The following CXXC5 variants were observed in gnomAD, a reference collection of about 807,000 sequenced individuals.
CXXC5 encodes CXXC-type zinc finger protein 5.
A neutral mutation model predicts 17.6 loss-of-function variants in CXXC5; 2 were observed. The observed-to-expected ratio is 0.11, with a 90% CI of 0.05 to 0.36. The LOEUF (loss-of-function observed/expected upper bound fraction) is 0.36. CXXC5 is among the 10% of genes least tolerant of loss of function. The probability of loss-of-function intolerance (pLI) is 1.00; values close to 1 mark genes in which losing one functional copy is unlikely to be tolerated. For missense variants in CXXC5, 343 were observed against 458.3 expected (o/e 0.75, Z 2.30); for synonymous variants, 171 against 193.0 (o/e 0.89, Z 0.94).
At chr5:139,662,958 G>A (rs1424133428) in intron 1 of CXXC5, among the ~76,000 whole-genome samples, 1 of 152,218 alleles carries the variant, frequency 6.6e-6, no homozygotes, top group Non-Finnish European at 1.5e-5. Flanking sequence ...ATCTCCAGGC[G>A]AGCATGCCCC....
rs1030027356 is a variant in CXXC5 at position 139,670,574 on chromosome 5, C to T, written c.-160-9790C>T. 2.4e-4 allele frequency among the ~76,000 whole-genome samples: 37 copies of T among 152,200 alleles called. No homozygotes were observed. Among genetic ancestry groups the T allele is most frequent in the African/African-American group, 8.7e-4 (36 of 41,446 alleles). On this transcript the variant is annotated intron_variant, in intron 1 of 2. Coordinates refer to ENST00000302517, the MANE Select transcript of CXXC5 (RefSeq NM_016463.9). The surrounding 1 kb of genome is among the most constrained non-coding windows in gnomAD (Gnocchi z 4.2). ...CTCCTGACACAACTCACAGTGCATGCGGACATACACACACTGGCATTCATG... is the reference window on the plus strand; with the variant it reads ...CTCCTGACACAACTCACAGTGCATGTGGACATACACACACTGGCATTCATG...
At chr5:139,651,005 A>T (rs942974383) in intron 1 of CXXC5, 2 of 152,108 alleles carry the variant, frequency 1.3e-5, no homozygotes, top group East Asian at 1.9e-4. Context: ...TGCCCTGGGA[A>T]GAGATGGGAA....
At chr5:139,676,155 C>G (rs1419702232) in intron 1 of CXXC5, among the ~76,000 whole-genome samples, 1 of 140,028 alleles carries the variant, frequency 7.1e-6, no homozygotes, top group African/African-American at 2.7e-5. Context: ...CTCCCCACCT[C>G]CTCCCAAGTC....
chr5:139,664,909 C>A (rs1756015186), intron 1 of CXXC5, among the ~76,000 whole-genome samples: 1 of 152,242 alleles, frequency 6.6e-6, no homozygotes, highest in African/African-American at 2.4e-5. Context: ...ATGCCTACCT[C>A]TGTGGGTTGC....
rs1419024554 is a variant in CXXC5 at position 139,681,369 on chromosome 5, G to A, written c.846G>A (p.Arg282=). 1.3e-6 allele frequency: 2 copies of A among 1,596,282 alleles called. No individual in the cohort carries two copies. Among genetic ancestry groups the A allele is most frequent in the South Asian group, 2.2e-5 (2 of 89,008 alleles). The part of the protein sequence containing the change: ...RINCEQCSSC[R]NRKTGHQICK... ...ACTGCGAGCAGTGCAGCAGTTGTAG[G>A]AATCGAAAGACTGGCCATCAGATTT... The change falls in exon 2 of 3, where the codon AGG becomes AGA. Residue 282 remains arginine (R), a synonymous_variant. Coordinates refer to ENST00000302517, the MANE Select transcript of CXXC5 (RefSeq NM_016463.9).
At chr5:139,681,748 G>A (rs538188406) in intron 2 of CXXC5, among the ~76,000 whole-genome samples, 1 of 152,350 alleles carries the variant, frequency 6.6e-6, no homozygotes, top group East Asian at 1.9e-4. Flanking sequence ...TCTGGGTCAG[G>A]TATTGAGATT....
At chr5:139,678,042 C>T (rs1359704205) in intron 1 of CXXC5, among the ~76,000 whole-genome samples, 3 of 152,268 alleles carry the variant, frequency 2.0e-5, no homozygotes, top group Non-Finnish European at 4.4e-5. Flanking sequence ...GGCTGGGGCG[C>T]AGCCTGCTCC....
intron 1 of CXXC5, among the ~76,000 whole-genome samples, chr5:139,674,552 G>T (rs965679129): frequency 6.6e-5 from 10 of 152,224 alleles, no homozygotes; most frequent in Non-Finnish European, 1.3e-4. Context: ...TGCAAGGCTG[G>T]TCAGCCAGCA....
intron 1 of CXXC5, among the ~76,000 whole-genome samples, chr5:139,655,000 C>G (rs1755409660): frequency 6.6e-6 from 1 of 152,154 alleles, no homozygotes; most frequent in African/African-American, 2.4e-5. Context: ...GCTGATTTTT[C>G]CTGGGAAGGA....
intron 1 of CXXC5, among the ~76,000 whole-genome samples, chr5:139,673,939 C>T (rs958890932): frequency 4.6e-5 from 7 of 152,028 alleles, no homozygotes; most frequent in African/African-American, 1.4e-4. Flanking sequence ...GGCACCCACC[C>T]CAGCAGGAGG....
intron 1 of CXXC5, among the ~76,000 whole-genome samples, chr5:139,651,382 C>CTGGGA (rs1420212526): frequency 7.6e-6 from 1 of 131,680 alleles, no homozygotes; most frequent in Non-Finnish European, 1.6e-5. Flanking sequence ...CTGGGCTAGG[C>CTGGGA]TGGGCTGGGC....
chr5:139,669,422 C>T (rs560775481), intron 1 of CXXC5, among the ~76,000 whole-genome samples: 112 of 152,106 alleles, frequency 7.4e-4, no homozygotes, highest in African/African-American at 2.4e-3. Context: ...ACCGCCATAG[C>T]GGGAGAGAGG....
chr5:139,680,228 A>T (rs1366324160), intron 1 of CXXC5, 136 bp from the exon 2 acceptor site: 4 of 470,284 alleles, frequency 8.5e-6, no homozygotes, highest in Non-Finnish European at 1.5e-5. Flanking sequence ...TCTCACCAGG[A>T]TGGATCTGGT....
chr5:139,660,691 G>A (rs1296291769), intron 1 of CXXC5, among the ~76,000 whole-genome samples: 1 of 151,814 alleles, frequency 6.6e-6, no homozygotes, highest in African/African-American at 2.4e-5. Flanking sequence ...ACCCTCATGT[G>A]GGTGGGGCCA....
At chr5:139,662,431 A>G (rs772221157) in intron 1 of CXXC5, among the ~76,000 whole-genome samples, 20 of 151,928 alleles carry the variant, frequency 1.3e-4, no homozygotes, top group Non-Finnish European at 7.4e-5. Flanking sequence ...CCTTTTCCAT[A>G]TGCTGCCAAA....
Position 139,661,493 on chromosome 5 carries a change from A to T in CXXC5, c.-161+12648A>T, listed in dbSNP as rs1349599133. On this transcript the variant is annotated intron_variant, in intron 1 of 2. Transcript: ENST00000302517. The surrounding 1 kb of genome is among the most constrained non-coding windows in gnomAD (Gnocchi z 4.7). ...CTCCCATGTGGTGCTCCAGAAGCAC[A>T]CTCACGGTTCCAGCCACAGCCCAGC... Among the ~76,000 whole-genome samples the T allele has an allele frequency of 6.6e-6, 1 of 152,072 alleles. No individual in the cohort carries two copies. The highest frequency in any genetic ancestry group is 2.4e-5 in the African/African-American group (1 of 41,378).
At position 139,655,957 on chromosome 5, in the gene CXXC5, G is replaced by C. The variant is rs191376033; in HGVS notation, c.-161+7112G>C. On this transcript the variant is annotated intron_variant, in intron 1 of 2. Transcript: ENST00000302517. ...TCCCCTCCAGCTGCCGGCCCCAGCA[G>C]GGCAGAGCCAGGCCTGCCTGGTGGC... is the stretch of plus-strand genomic sequence containing the variant. 2.6e-5 allele frequency among the ~76,000 whole-genome samples: 4 copies of C among 152,344 alleles called. No homozygotes were observed. In the East Asian group the frequency reaches 7.7e-4, roughly 29 times the overall value.
chr5:139,659,824 C>T (rs1755686985), intron 1 of CXXC5, among the ~76,000 whole-genome samples: 1 of 152,142 alleles, frequency 6.6e-6, no homozygotes, highest in African/African-American at 2.4e-5. Flanking sequence ...CCCTCCTGCC[C>T]TTGCTTTCTC....
At chr5:139,673,666 A>ACTC (rs1480850756) in intron 1 of CXXC5, among the ~76,000 whole-genome samples, 1 of 151,988 alleles carries the variant, frequency 6.6e-6, no homozygotes, top group African/African-American at 2.4e-5. Flanking sequence ...ACATGGTGAA[A>ACTC]CTCCATCTCT....
Sources: allele counts gnomAD v4.1 joint callset (sites outside exome capture counted in the v4.1 genomes callset), GRCh38; gene constraint gnomAD v4.1.1; non-coding constraint Gnocchi (gnomAD v3.1); transcripts MANE v1.5; gene names NCBI Gene and HGNC (gene_info 2026-07-23, HGNC 2026-07-21).